The following PCDH15 variants were observed in gnomAD, a reference collection of about 807,000 sequenced individuals.
The protein encoded by PCDH15 is protocadherin related 15, also known as protocadherin-15.
A neutral mutation model predicts 178.5 loss-of-function variants in PCDH15; 129 were observed. The observed-to-expected ratio is 0.72, with a 90% CI of 0.63 to 0.84. The LOEUF is 0.84. Among genes scored for constraint, PCDH15 ranks in the 40% least tolerant of loss-of-function variants. The probability of loss-of-function intolerance (pLI) is 0.00; values close to 1 mark genes in which losing one functional copy is unlikely to be tolerated. For missense variants in PCDH15, 2,230 were observed against 2,099.9 expected (o/e 1.06, Z -1.21); for synonymous variants, 800 against 732.0 (o/e 1.09, Z -1.50).
Position 53,969,813 on chromosome 10 carries a change from T to G in PCDH15, c.2869-7921A>C, listed in dbSNP as rs185106703. Among the ~76,000 whole-genome samples, 336 of 152,320 alleles carry G rather than the reference T, an allele frequency of 2.2e-3. 2 individuals are homozygous for G. The highest frequency in any genetic ancestry group is 7.6e-3 in the African/African-American group (314 of 41,570). On this transcript the variant is annotated intron_variant, in intron 21 of 37. Coordinates refer to ENST00000644397, the MANE Select transcript of PCDH15 (RefSeq NM_001384140.1). ...CTTTACAGACAAACAAATGCTGAGA[T>G]ATTTTGTCACCACCAGGCATGCCTT...
chr10:54,562,402 T>A (rs1260614490), intron 2 of PCDH15, among the ~76,000 whole-genome samples: 1 of 152,134 alleles, frequency 6.6e-6, no homozygotes, highest in Non-Finnish European at 1.5e-5. Context: ...AGTAACTCAA[T>A]ATTGATATCA....
chr10:54,437,319 A>T (rs769961660), intron 3 of PCDH15, among the ~76,000 whole-genome samples: 4 of 152,206 alleles, frequency 2.6e-5, no homozygotes, highest in Non-Finnish European at 5.9e-5. Flanking sequence ...CAAGTAGAAC[A>T]TTCAGCCAAG....
At chr10:54,725,252 T>G (rs563045841) in intron 1 of PCDH15, among the ~76,000 whole-genome samples, 1 of 151,132 alleles carries the variant, frequency 6.6e-6, no homozygotes, top group South Asian at 2.1e-4. Context: ...ATTTACATTA[T>G]AGTCACAGAC....
At chr10:54,379,024 T>G in intron 3 of PCDH15, 82 bp from the exon 4 acceptor site, 1,057 of 1,298,340 alleles carry the variant, frequency 8.1e-4, no homozygotes, top group Non-Finnish European at 1.0e-3. Context: ...AAACCGCGGC[T>G]GGCTCACAAT....
In PCDH15 at chr10:55,166,041, A is replaced by G. The variant is rs553435366; in HGVS notation, c.-80+535T>C. Among the ~76,000 whole-genome samples, 4 of 152,266 alleles carry G rather than the reference A, an allele frequency of 2.6e-5. No individual in the cohort carries two copies. In the East Asian group the frequency reaches 7.7e-4, roughly 29 times the overall value. On this transcript the variant is annotated intron_variant, in intron 2 of 5. Coordinates refer to the PCDH15 transcript ENST00000458638. The stretch of plus-strand genomic sequence containing the variant: ...TATTTTGTTGCTCCAATGTTATAAA[A>G]GCTATTTCTTCTGTAATTGAAGCAC...
At chr10:54,031,228 C>T (rs191116536) in intron 18 of PCDH15, among the ~76,000 whole-genome samples, 1,271 of 123,596 alleles carry the variant, frequency 0.01, 8 homozygotes, top group Admixed American at 0.018. Flanking sequence ...CCCTCACCTT[C>T]CCTGATATAG....
At chr10:54,752,108 A>G (rs978026605) in intron 1 of PCDH15, among the ~76,000 whole-genome samples, 2 of 152,178 alleles carry the variant, frequency 1.3e-5, no homozygotes, top group African/African-American at 4.8e-5. Context: ...CTACATCTGT[A>G]TTATCAGGAA....
In PCDH15 at chr10:54,135,540, C is replaced by T. The variant is rs539557033; in HGVS notation, c.1785-2533G>A. Among the ~76,000 whole-genome samples, 14 of 152,302 alleles carry T rather than the reference C, an allele frequency of 9.2e-5. No homozygotes were observed. The East Asian group carries it at 2.1e-3, about 23-fold the overall frequency. On this transcript the variant is annotated intron_variant, in intron 14 of 37. Transcript: ENST00000644397. ...GTCATTCTGAGGTAGACCTAACATC[C>T]TTCCAGGTGGTGATCTGACTCCAGA...
chr10:54,041,588 C>T (rs968250223), intron 18 of PCDH15, among the ~76,000 whole-genome samples: 2 of 151,962 alleles, frequency 1.3e-5, no homozygotes, highest in African/African-American at 2.4e-5. Flanking sequence ...ACTTTTAACC[C>T]GGCCTCCTGA....
chr10:54,570,826 T>TC (rs1279017853), intron 2 of PCDH15, among the ~76,000 whole-genome samples: 22,139 of 124,638 alleles, frequency 0.18, 1,899 homozygotes, highest in Middle Eastern at 0.2. Context: ...TATTTTTTTT[T>TC]TTCTTTTTTT....
chr10:54,372,186 T>A (rs1204782307), intron 4 of PCDH15, among the ~76,000 whole-genome samples: 1 of 151,926 alleles, frequency 6.6e-6, no homozygotes, highest in East Asian at 1.9e-4. Flanking sequence ...GTTATTTATC[T>A]TCCAATTATT....
chr10:54,193,577 A>G (rs1749633351), intron 11 of PCDH15, among the ~76,000 whole-genome samples: 1 of 151,964 alleles, frequency 6.6e-6, no homozygotes, highest in Non-Finnish European at 1.5e-5. Context: ...TATTAAGGTG[A>G]CTCTAGGTGT....
intron 20 of PCDH15, among the ~76,000 whole-genome samples, chr10:54,017,484 G>GC (rs1239947463): frequency 6.6e-6 from 1 of 152,098 alleles, no homozygotes; most frequent in Non-Finnish European, 1.5e-5. Flanking sequence ...CATGTCCTTT[G>GC]CAGTAACATA....
chr10:55,619,435 A>G (rs1477861134), intron 2 of PCDH15, among the ~76,000 whole-genome samples: 2 of 151,970 alleles, frequency 1.3e-5, no homozygotes, highest in Non-Finnish European at 2.9e-5. Context: ...TATGCTCAAG[A>G]GCTATTAGAA....
chr10:54,989,281 CCA>C (rs1839446579), intron 2 of PCDH15, among the ~76,000 whole-genome samples: 1 of 152,172 alleles, frequency 6.6e-6, no homozygotes, highest in African/African-American at 2.4e-5. Flanking sequence ...GTCAGAGCCC[CCA>C]CACAGAGTCC....
At chr10:53,943,875 A>AT (rs2086293866) in intron 23 of PCDH15, among the ~76,000 whole-genome samples, 1 of 152,054 alleles carries the variant, frequency 6.6e-6, no homozygotes. Flanking sequence ...ATTATTTTCT[A>AT]TTTTTTGGCA....
chr10:53,983,270 A>AAT (rs1046165359), intron 21 of PCDH15, among the ~76,000 whole-genome samples: 34 of 151,098 alleles, frequency 2.3e-4, no homozygotes, highest in Admixed American at 8.6e-4. Flanking sequence ...ACACACACAA[A>AAT]ATATATATAT....
intron 2 of PCDH15, among the ~76,000 whole-genome samples, chr10:55,623,651 T>C (rs1278177260): frequency 6.6e-6 from 1 of 151,534 alleles, no homozygotes. Context: ...ACATATTCTA[T>C]AGATATAATA....
chr10:54,022,190 GC>G (rs1381369197), intron 19 of PCDH15, among the ~76,000 whole-genome samples: 1 of 151,750 alleles, frequency 6.6e-6, no homozygotes, highest in Non-Finnish European at 1.5e-5. Flanking sequence ...GCTTAAAAAT[GC>G]AGATTTATGG....
Sources: allele counts gnomAD v4.1 joint callset (sites outside exome capture counted in the v4.1 genomes callset), GRCh38; gene constraint gnomAD v4.1.1; transcripts MANE v1.5; gene names NCBI Gene and HGNC (gene_info 2026-07-23, HGNC 2026-07-21).